PCSK2: variants seen among roughly 807,000 people sequenced by gnomAD.
PCSK2 encodes neuroendocrine convertase 2.
PCSK2 carries 14 observed loss-of-function variants against 69.7 expected under a neutral mutation model. That is an observed-to-expected ratio of 0.20 (90% confidence interval 0.13 to 0.31). The LOEUF (loss-of-function observed/expected upper bound fraction) is 0.31, where lower values mean the gene tolerates loss of function less well. Ranked by LOEUF, PCSK2 falls within the 10% of genes least tolerant of loss-of-function variation. The pLI is 1.00. For synonymous variants in PCSK2, 307 were observed against 320.7 expected, an observed-to-expected ratio of 0.96 and a Z score of 0.46; for missense variants, 544 against 842.5, an observed-to-expected ratio of 0.65 and a Z score of 4.39.
chr20:17,465,400 T>G lies in PCSK2; in HGVS notation c.1277T>G (p.Val426Gly), dbSNP rs1416087245. ...AAACGGAACCAGCTTCACGACGAGG[T>G]CCATCAGTGGCGGCGCAATGGGGTC... ...TSKRNQLHDE[V>G]HQWRRNGVGL... Residue 426 changes from valine (V) to glycine (G), a missense_variant, in exon 11 of 12, where the codon GTC becomes GGC. This residue lies in a region of PCSK2 where 200 missense variants were observed against 287.8 expected (regional missense o/e 0.69). Transcript: ENST00000262545. 6.2e-7 allele frequency: 1 copy of G among 1,614,022 alleles called. No individual in the cohort carries two copies. Among genetic ancestry groups the G allele is most frequent in the Non-Finnish European group, 8.5e-7 (1 of 1,180,030 alleles).
intron 2 of PCSK2, among the ~76,000 whole-genome samples, chr20:17,303,457 A>AATATAATATATATTATATATTATATTT: frequency 1.7e-5 from 1 of 60,012 alleles, no homozygotes; most frequent in Non-Finnish European, 3.2e-5. Context: ...ATATTATATT[A>AATATAATATATATTATATATTATATTT]AATATAATAT....
At chr20:17,249,350 C>T (rs1263609967) in intron 1 of PCSK2, among the ~76,000 whole-genome samples, 5 of 151,246 alleles carry the variant, frequency 3.3e-5, no homozygotes, top group African/African-American at 7.3e-5. Context: ...ACTAAAAATA[C>T]AAAAAAATTA....
At chr20:17,364,043 C>T (rs112576433) in intron 4 of PCSK2, among the ~76,000 whole-genome samples, 123 of 151,822 alleles carry the variant, frequency 8.1e-4, no homozygotes, top group Middle Eastern at 3.4e-3. Context: ...TGTTAAATGA[C>T]GAGTTAATGG....
intron 2 of PCSK2, among the ~76,000 whole-genome samples, chr20:17,347,812 GAAA>G (rs2123185666): frequency 8.2e-6 from 1 of 121,476 alleles, no homozygotes; most frequent in East Asian, 2.4e-4. Flanking sequence ...AAGAAAGAAA[GAAA>G]GAAAGAAAGA....
intron 5 of PCSK2, among the ~76,000 whole-genome samples, chr20:17,381,261 A>G (rs969270500): frequency 6.6e-6 from 1 of 152,234 alleles, no homozygotes; most frequent in Non-Finnish European, 1.5e-5. Flanking sequence ...TTTGGCTCTT[A>G]GCAATGTTCC....
In PCSK2 at chr20:17,433,814, C is replaced by CTCTCTCTCCCT. The variant is rs1555795288; in HGVS notation, c.710-2894_710-2893insTCTCTCTCCCT. On this transcript the variant is annotated intron_variant, in intron 7 of 11. Transcript: ENST00000262545. ...CTCTCTCTCTCTCTCTCTCTCTCTC[C>CTCTCTCTCCCT]CCCCACTTCCTTCCCTCCTCCTCCT... Among the ~76,000 whole-genome samples, 15 of 70,840 alleles carry CTCTCTCTCCCT rather than the reference C, an allele frequency of 2.1e-4. 3 individuals carry two copies. Among genetic ancestry groups the CTCTCTCTCCCT allele is most frequent in the African/African-American group, 1.1e-3 (15 of 14,166 alleles). The allele number at this position is 70,840 out of a possible 152,430, so 46.5% of individuals were successfully genotyped here.
At chr20:17,366,473 C>T (rs561147147) in intron 4 of PCSK2, among the ~76,000 whole-genome samples, 4 of 152,136 alleles carry the variant, frequency 2.6e-5, no homozygotes, top group African/African-American at 9.7e-5. Context: ...TTTTCCAGGA[C>T]CGACACTGTG....
intron 5 of PCSK2, among the ~76,000 whole-genome samples, chr20:17,384,389 A>G (rs1016530530): frequency 8.2e-5 from 12 of 147,118 alleles, no homozygotes; most frequent in Non-Finnish European, 1.6e-4. Context: ...GGAGTTTGAG[A>G]CCAGCCTGAC....
At chr20:17,338,170 T>TGGGGGGGG (rs765753082) in intron 2 of PCSK2, among the ~76,000 whole-genome samples, 1 of 99,700 alleles carries the variant, frequency 1.0e-5, no homozygotes, top group African/African-American at 3.6e-5. Flanking sequence ...TACATTTTTT[T>TGGGGGGGG]TGGGGGGGGG....
intron 5 of PCSK2, among the ~76,000 whole-genome samples, chr20:17,378,701 A>C (rs1401909086): frequency 6.6e-6 from 1 of 152,022 alleles, no homozygotes; most frequent in Non-Finnish European, 1.5e-5. Flanking sequence ...AGATGGATGG[A>C]TAGTTGGATG....
intron 2 of PCSK2, among the ~76,000 whole-genome samples, chr20:17,287,166 AT>A (rs1477850148): frequency 6.6e-6 from 1 of 152,108 alleles, no homozygotes; most frequent in East Asian, 1.9e-4. Flanking sequence ...AAAAAAAAAA[AT>A]ACCTTCACAG....
intron 2 of PCSK2, among the ~76,000 whole-genome samples, chr20:17,271,331 A>G (rs1987857573): frequency 6.6e-6 from 1 of 152,048 alleles, no homozygotes; most frequent in Non-Finnish European, 1.5e-5. Context: ...TGTTTTATAA[A>G]TTGGGATTTG....
intron 2 of PCSK2, among the ~76,000 whole-genome samples, chr20:17,341,060 G>A (rs1335545366): frequency 1.3e-5 from 2 of 152,060 alleles, no homozygotes; most frequent in African/African-American, 2.4e-5. Context: ...AGAGCAGCCT[G>A]GCCAAAATGT....
chr20:17,424,952 T>A (rs913696378), intron 6 of PCSK2, among the ~76,000 whole-genome samples: 1 of 152,010 alleles, frequency 6.6e-6, no homozygotes, highest in African/African-American at 2.4e-5. Flanking sequence ...ACCTGGCTAA[T>A]TTTTTTGTGT....
chr20:17,235,089 T>C (rs995955354), intron 1 of PCSK2, among the ~76,000 whole-genome samples: 15 of 152,196 alleles, frequency 9.9e-5, no homozygotes, highest in African/African-American at 3.4e-4. Context: ...TAATGGATGG[T>C]TTATATGCGA....
chr20:17,383,688 A>G (rs1426735616), intron 5 of PCSK2, among the ~76,000 whole-genome samples: 2 of 152,224 alleles, frequency 1.3e-5, no homozygotes, highest in Non-Finnish European at 2.9e-5. Flanking sequence ...CAACATGAGC[A>G]TGTTCTTAAC....
chr20:17,327,646 G>C (rs562200988), intron 2 of PCSK2, among the ~76,000 whole-genome samples: 1 of 152,302 alleles, frequency 6.6e-6, no homozygotes, highest in East Asian at 1.9e-4. Context: ...CACCCTCCAC[G>C]AAGTCACCGA....
At chr20:17,307,992 C>T (rs1236205652) in intron 2 of PCSK2, among the ~76,000 whole-genome samples, 9 of 152,154 alleles carry the variant, frequency 5.9e-5, no homozygotes, top group Non-Finnish European at 2.9e-5. Context: ...TCTTCCATGG[C>T]AGGAGCAGGA....
intron 2 of PCSK2, among the ~76,000 whole-genome samples, chr20:17,336,247 G>A (rs906902720): frequency 1.3e-5 from 2 of 152,174 alleles, no homozygotes; most frequent in African/African-American, 4.8e-5. Context: ...CCTCTGAGCT[G>A]GAAAGATGCA....
Sources: gnomAD v4.1 joint callset for allele counts (sites outside exome capture counted in the v4.1 genomes callset) on GRCh38, gnomAD v4.1.1 for gene constraint, gnomAD v4.1.1 regional missense constraint, MANE v1.5 for transcripts, NCBI Gene and HGNC (gene_info 2026-07-23, HGNC 2026-07-21) for gene names.